EYA1: variants seen among roughly 807,000 people sequenced by gnomAD.
The protein encoded by EYA1 is protein phosphatase EYA1.
EYA1 carries 16 observed loss-of-function variants against 82.0 expected under a neutral mutation model. The observed-to-expected ratio is 0.20, with a 90% CI of 0.13 to 0.30. The LOEUF (loss-of-function observed/expected upper bound fraction) is 0.30. EYA1 is among the 10% of genes least tolerant of loss of function. The pLI, the probability that EYA1 is intolerant of heterozygous loss-of-function variation, is 1.00. For synonymous variants in EYA1, 261 were observed against 264.4 expected (o/e 0.99, Z 0.12); for missense variants, 633 against 730.7 (o/e 0.87, Z 1.54).
intron 2 of EYA1, among the ~76,000 whole-genome samples, chr8:71,372,097 C>T (rs1057490891): frequency 1.3e-5 from 2 of 152,046 alleles, no homozygotes; most frequent in African/African-American, 4.8e-5. Context: ...ATTGAAAGAG[C>T]TCAATGATTA....
intron 2 of EYA1, among the ~76,000 whole-genome samples, chr8:71,369,393 G>A (rs1827961757): frequency 1.3e-5 from 2 of 152,132 alleles, no homozygotes; most frequent in Admixed American, 6.5e-5. Context: ...TAAAACAAAT[G>A]CACCAGAGAT....
chr8:71,502,835 A>C (rs1013210053), intron 2 of EYA1, among the ~76,000 whole-genome samples: 1 of 152,192 alleles, frequency 6.6e-6, no homozygotes, highest in Non-Finnish European at 1.5e-5. Context: ...CATCTGGTTA[A>C]ATTTATCCAA....
intron 9 of EYA1, among the ~76,000 whole-genome samples, chr8:71,277,094 T>C (rs1817263527): frequency 2.0e-5 from 3 of 147,640 alleles, no homozygotes; most frequent in Non-Finnish European, 4.5e-5. Context: ...GAAAGTGCCA[T>C]GCTATTTCAT....
At chr8:71,542,780 T>C (rs974398979) in intron 1 of EYA1, among the ~76,000 whole-genome samples, 2 of 152,318 alleles carry the variant, frequency 1.3e-5, no homozygotes, top group African/African-American at 2.4e-5. Context: ...TGGTATCTCA[T>C]TGTGGTTTTG....
At chr8:71,386,014 C>A (rs1828949176) in intron 2 of EYA1, among the ~76,000 whole-genome samples, 1 of 152,118 alleles carries the variant, frequency 6.6e-6, no homozygotes, top group African/African-American at 2.4e-5. Context: ...AAGTATACTC[C>A]TACTTGTTTT....
At chr8:71,484,371 A>G (rs1810400993) in intron 2 of EYA1, among the ~76,000 whole-genome samples, 1 of 152,224 alleles carries the variant, frequency 6.6e-6, no homozygotes, top group Non-Finnish European at 1.5e-5. Flanking sequence ...AAGGGAAAGT[A>G]TACACAAATT....
At chr8:71,331,045 A>G (rs1563479960) in intron 4 of EYA1, among the ~76,000 whole-genome samples, 1 of 152,024 alleles carries the variant, frequency 6.6e-6, no homozygotes, top group African/African-American at 2.4e-5. Context: ...CCTGGCCAAC[A>G]TGGTGAAACC....
intron 2 of EYA1, among the ~76,000 whole-genome samples, chr8:71,488,136 A>G (rs1292672566): frequency 6.6e-6 from 1 of 152,188 alleles, no homozygotes; most frequent in Non-Finnish European, 1.5e-5. Context: ...AATACTGCAT[A>G]GCAATGTAAA....
At position 71,395,754 on chromosome 8, in the gene EYA1, T is replaced by A. The variant is rs1829565358; in HGVS notation, c.34-39243A>T. Among the ~76,000 whole-genome samples, 3 of 152,292 alleles carry A rather than the reference T, an allele frequency of 2.0e-5. No individual in the cohort carries two copies. The South Asian group carries it at 6.2e-4, about 32-fold the overall frequency. Reference sequence around the variant, plus strand: ...CAGGGATATTGGTGTAAAATTCTCTTTTTTTGCTGTATCTCTGCCAGGGTT... The same window carrying A: ...CAGGGATATTGGTGTAAAATTCTCTATTTTTGCTGTATCTCTGCCAGGGTT... On this transcript the variant is annotated intron_variant, in intron 2 of 18. Transcript: ENST00000643681.
intron 12 of EYA1, among the ~76,000 whole-genome samples, chr8:71,225,844 T>C (rs1810494734): frequency 6.6e-6 from 1 of 152,246 alleles, no homozygotes; most frequent in African/African-American, 2.4e-5. Flanking sequence ...ATATACTTAA[T>C]GTTATAATAT....
intron 2 of EYA1, chr8:71,470,950 A>G (rs1160007914): frequency 1.6e-5 from 7 of 441,222 alleles, no homozygotes; most frequent in Admixed American, 7.8e-5. Flanking sequence ...AAAAAAGGAA[A>G]AAGGGGAGAA....
chr8:71,206,486 G>A (rs1807788736), intron 17 of EYA1, among the ~76,000 whole-genome samples: 1 of 152,140 alleles, frequency 6.6e-6, no homozygotes, highest in Admixed American at 6.5e-5. Flanking sequence ...CTCCCAAAGT[G>A]CTGGGATTAC....
At chr8:71,455,219 C>A (rs531730629) in intron 2 of EYA1, among the ~76,000 whole-genome samples, 11 of 152,210 alleles carry the variant, frequency 7.2e-5, no homozygotes, top group African/African-American at 2.6e-4. Context: ...GAAGTTGAAT[C>A]GCTGAATAGA....
chr8:71,265,335 C>A (rs1224011426), intron 11 of EYA1, among the ~76,000 whole-genome samples: 1 of 152,084 alleles, frequency 6.6e-6, no homozygotes, highest in Non-Finnish European at 1.5e-5. Context: ...ACCTTTGGAG[C>A]ATTAATGTTG....
intron 2 of EYA1, among the ~76,000 whole-genome samples, chr8:71,436,434 G>T (rs1236936011): frequency 6.6e-6 from 1 of 152,060 alleles, no homozygotes; most frequent in Admixed American, 6.6e-5. Flanking sequence ...TACAAACAGA[G>T]AAATAATTTG....
At chr8:71,517,710 T>TATAC (rs945279611) in intron 2 of EYA1, among the ~76,000 whole-genome samples, 15 of 145,986 alleles carry the variant, frequency 1.0e-4, no homozygotes, top group African/African-American at 3.3e-4. Flanking sequence ...AAACATACTA[T>TATAC]ATATATATAT....
chr8:71,354,507 G>A (rs904372633), intron 3 of EYA1, among the ~76,000 whole-genome samples: 2 of 152,054 alleles, frequency 1.3e-5, no homozygotes, highest in African/African-American at 2.4e-5. Flanking sequence ...ACACTCAAAG[G>A]TTAAAAATGT....
chr8:71,212,598 A>G (rs997676734), intron 16 of EYA1, among the ~76,000 whole-genome samples: 3 of 152,184 alleles, frequency 2.0e-5, no homozygotes, highest in African/African-American at 7.2e-5. Context: ...GCTCATTGCC[A>G]ATTTGGGGTC....
intron 7 of EYA1, among the ~76,000 whole-genome samples, chr8:71,304,172 T>C (rs1328579607): frequency 7.0e-6 from 1 of 142,660 alleles, no homozygotes; most frequent in Non-Finnish European, 1.6e-5. Context: ...ATAATAATAC[T>C]TAAACATTTT....
Sources: gnomAD v4.1 joint callset for allele counts (sites outside exome capture counted in the v4.1 genomes callset) on GRCh38, gnomAD v4.1.1 for gene constraint, MANE v1.5 for transcripts, NCBI Gene and HGNC (gene_info 2026-07-23, HGNC 2026-07-21) for gene names.